LRRC31: variants seen among roughly 807,000 people sequenced by gnomAD.
LRRC31 encodes leucine-rich repeat-containing protein 31.
In LRRC31, 35 loss-of-function variants were observed where a neutral mutation model predicts 46.7. The ratio of observed to expected loss-of-function variants is 0.75; its 90% confidence interval spans 0.57 to 0.99. LRRC31 has a LOEUF of 0.99. Among genes scored for constraint, LRRC31 ranks in the 50% least tolerant of loss-of-function variants. The probability of loss-of-function intolerance (pLI) is 0.00; values close to 1 mark genes in which losing one functional copy is unlikely to be tolerated. For synonymous variants in LRRC31, 236 were observed against 235.1 expected, an observed-to-expected ratio of 1.00 and a Z score of -0.03; for missense variants, 613 against 626.1, an observed-to-expected ratio of 0.98 and a Z score of 0.22.
chr3:169,842,523 G>A (rs879266284), intron 8 of LRRC31, among the ~76,000 whole-genome samples: 2 of 151,870 alleles, frequency 1.3e-5, no homozygotes, highest in African/African-American at 2.4e-5. Flanking sequence ...GCTAATTTGT[G>A]TACTTTTAGT....
rs1324128884 is a variant in LRRC31 at position 169,867,038 on chromosome 3, G to GTTTTT, written c.175+2590_175+2594dup. On this transcript the variant is annotated intron_variant, in intron 1 of 8. Coordinates refer to ENST00000316428, the MANE Select transcript of LRRC31 (RefSeq NM_024727.4). ...GTCTCAGAAAGAAAATTGGCCATGG[G>GTTTTT]TTTTTTTTGTTTGTTTGTTTGTTTT... Among the ~76,000 whole-genome samples, 49 of 126,316 alleles carry GTTTTT rather than the reference G, an allele frequency of 3.9e-4. 7 individuals are homozygous for GTTTTT. The highest frequency in any genetic ancestry group is 1.6e-3 in the African/African-American group (35 of 22,230). 82.9% of individuals were successfully genotyped at this position (126,316 alleles called of 152,430 possible).
chr3:169,869,713 C>T lies in LRRC31; in HGVS notation c.95G>A (p.Ser32Asn), dbSNP rs2108235572. The change falls in exon 1 of 9, where the codon AGC becomes AAC. Residue 32 changes from serine to asparagine, a missense_variant. By Grantham distance (46) the Ser-to-Asn change is conservative (BLOSUM62 1). Transcript: ENST00000316428. Reference protein sequence around the residue: ...NKFLRGSNAESRKEDNDLKTS... With the variant: ...NKFLRGSNAENRKEDNDLKTS... ...TTTAAGGTCATTGTCCTCTTTTCTG[C>T]TTTCAGCATTGGAGCCCCTGAGAAA... The T allele has an allele frequency of 2.5e-6, 4 of 1,613,390 alleles. No homozygotes were observed. Among genetic ancestry groups the T allele is most frequent in the Non-Finnish European group, 3.4e-6 (4 of 1,179,794 alleles).
At chr3:169,867,123 T>C (rs898126076) in intron 1 of LRRC31, among the ~76,000 whole-genome samples, 3 of 147,176 alleles carry the variant, frequency 2.0e-5, no homozygotes, top group Non-Finnish European at 4.4e-5. Context: ...CAATCATGGC[T>C]TACCACAGCT....
rs142428551 is a variant in LRRC31 at position 169,855,754 on chromosome 3, T to G, written c.823+582A>C. 1.5e-3 allele frequency among the ~76,000 whole-genome samples: 235 copies of G among 152,278 alleles called. 1 individual carries two copies. Among genetic ancestry groups the G allele is most frequent in the African/African-American group, 5.4e-3 (223 of 41,550 alleles). On this transcript the variant is annotated intron_variant, in intron 5 of 8. Coordinates refer to ENST00000316428, the MANE Select transcript of LRRC31 (RefSeq NM_024727.4). ...CTTTCAAAAGAGAAAACCTAGTAGT[T>G]CTAGCAGCAAAGAAACTTTATTTTT...
chr3:169,855,082 G>C (rs565213573), intron 5 of LRRC31, 102 bp from the exon 6 acceptor site: 2 of 994,450 alleles, frequency 2.0e-6, no homozygotes, highest in Admixed American at 4.3e-5. Context: ...CTTGAGCCCC[G>C]GAGTTCGAGT....
At chr3:169,862,876 TTC>T (rs1412688050) in intron 1 of LRRC31, among the ~76,000 whole-genome samples, 2 of 150,406 alleles carry the variant, frequency 1.3e-5, no homozygotes, top group African/African-American at 5.0e-5. Context: ...CATTTCTTTT[TTC>T]TTTCTTTTTT....
rs745873474 is a variant in LRRC31, at chr3:169,854,955, C to T, written c.849G>A (p.Glu283=). ...ILDAAFRYLG[E]LRKLDLSCNK... The stretch of plus-strand genomic sequence containing the variant: ...TGCAGGAAAGATCTAATTTCCTCAG[C>T]TCACCCAAATACCTAAAAGCAGCAT... Residue 283 remains glutamate, a synonymous_variant, in exon 6 of 9, where the codon GAG becomes GAA. Transcript: ENST00000316428. The T allele has an allele frequency of 1.2e-6, 2 of 1,611,264 alleles. No individual in the cohort carries two copies. The highest frequency in any genetic ancestry group is 4.5e-5 in the East Asian group (2 of 44,874).
intron 8 of LRRC31, among the ~76,000 whole-genome samples, chr3:169,844,606 A>C (rs1342559215): frequency 1.3e-5 from 2 of 152,228 alleles, no homozygotes; most frequent in African/African-American, 4.8e-5. Flanking sequence ...TAACCAAGAA[A>C]AAGAAAGAAA....
chr3:169,851,587 T>G, intron 7 of LRRC31, 32 bp downstream of exon 7: 1 of 1,587,706 alleles, frequency 6.3e-7, no homozygotes, highest in African/African-American at 1.4e-5. Flanking sequence ...CATTATTGCA[T>G]GGTTCCTGCA....
At position 169,856,743 on chromosome 3, in the gene LRRC31, A is replaced by G. The variant is rs372491953; in HGVS notation, c.617T>C (p.Val206Ala). 3 of 1,605,756 alleles carry G rather than the reference A, an allele frequency of 1.9e-6. No individual in the cohort carries two copies. The highest frequency in any genetic ancestry group is 2.3e-5 in the East Asian group (1 of 44,424). ...ATCTTCTGACGTGAGGGAGCAATCC[A>G]CAAGCTCAATCATTTGTATCTTGCT... ...KGSKIQMIEL[V>A]DCSLTSEDGT... Residue 206 changes from valine to alanine, a missense_variant, in exon 4 of 9, where the codon GTG (valine) becomes GCG (alanine). Physicochemically the swap from Val to Ala is moderately conservative, Grantham distance 64. Coordinates refer to ENST00000316428, the MANE Select transcript of LRRC31 (RefSeq NM_024727.4).
intron 6 of LRRC31, among the ~76,000 whole-genome samples, chr3:169,854,172 A>C (rs1196798442): frequency 6.6e-6 from 1 of 152,212 alleles, no homozygotes; most frequent in South Asian, 2.1e-4. Flanking sequence ...GGCCTGGACC[A>C]GGGTAGTGGA....
chr3:169,862,044 T>C (rs1447167283), intron 1 of LRRC31, among the ~76,000 whole-genome samples: 1 of 152,202 alleles, frequency 6.6e-6, no homozygotes, highest in Non-Finnish European at 1.5e-5. Flanking sequence ...GTGGCTTTTC[T>C]ATCATGACCT....
In LRRC31 at chr3:169,848,216, A is replaced by G. The variant is rs751701605; in HGVS notation, c.1231T>C (p.Leu411=). Reference sequence around the variant, plus strand: ...TTTAGTGTTTCCAGAAGCAGCTTCAAGTTGCCACCAACACACTTGTTCCAA... The same window carrying G: ...TTTAGTGTTTCCAGAAGCAGCTTCAGGTTGCCACCAACACACTTGTTCCAA... ...LSWNKCVGGN[L]KLLLETLKLS... is the part of the protein sequence containing the mutation. The change falls in exon 8 of 9, where the codon TTG becomes CTG. Residue 411 remains leucine, a synonymous_variant. Coordinates refer to ENST00000316428, the MANE Select transcript of LRRC31 (RefSeq NM_024727.4). 8.1e-6 allele frequency: 13 copies of G among 1,614,112 alleles called. No homozygotes were observed. The highest frequency in any genetic ancestry group is 9.3e-6 in the Non-Finnish European group (11 of 1,180,042).
chr3:169,857,409 C>CAT (rs1443485895), intron 3 of LRRC31, among the ~76,000 whole-genome samples: 13 of 65,990 alleles, frequency 2.0e-4, no homozygotes, highest in Non-Finnish European at 3.3e-4. Flanking sequence ...CACACATATA[C>CAT]ATATACATAT....
intron 6 of LRRC31, among the ~76,000 whole-genome samples, chr3:169,852,533 A>C (rs1251240683): frequency 6.6e-6 from 1 of 152,094 alleles, no homozygotes; most frequent in Non-Finnish European, 1.5e-5. Flanking sequence ...CTGCTCAATT[A>C]ATGTTTGAAA....
chr3:169,859,554 G>T (rs1054147288), intron 3 of LRRC31, among the ~76,000 whole-genome samples: 20 of 152,272 alleles, frequency 1.3e-4, no homozygotes, highest in African/African-American at 3.4e-4. Context: ...AGAATAAAAA[G>T]TATCAAAGAC....
intron 1 of LRRC31, among the ~76,000 whole-genome samples, chr3:169,865,427 C>A (rs1285888274): frequency 4.7e-5 from 7 of 149,080 alleles, no homozygotes; most frequent in Non-Finnish European, 7.5e-5. Context: ...AGATTGAGGC[C>A]TTTTCCTAGC....
chr3:169,850,307 C>T (rs1780718214), intron 7 of LRRC31, among the ~76,000 whole-genome samples: 1 of 152,184 alleles, frequency 6.6e-6, no homozygotes, highest in African/African-American at 2.4e-5. Context: ...TTTTGCTCAG[C>T]TCGAGTATTT....
rs200530550 is a variant in LRRC31 at position 169,854,817 on chromosome 3, T to C, written c.987A>G (p.Ser329=). The change falls in exon 6 of 9, where the codon TCA becomes TCG. Residue 329 remains serine (S), a synonymous_variant. Coordinates refer to ENST00000316428, the MANE Select transcript of LRRC31 (RefSeq NM_024727.4). ...TGCTCTGCAATATATACTTACTCAG[T>C]GACATCACGTCATCTGCTGTTAGTG... The part of the protein sequence containing the change: ...QCSLTADDVM[S]LTQVIPLLSN... 6 of 1,609,632 alleles carry C rather than the reference T, an allele frequency of 3.7e-6. No homozygotes were observed. Among genetic ancestry groups the C allele is most frequent in the Non-Finnish European group, 5.1e-6 (6 of 1,176,352 alleles).
Sources: gnomAD v4.1 joint callset for allele counts (sites outside exome capture counted in the v4.1 genomes callset) on GRCh38, gnomAD v4.1.1 for gene constraint, MANE v1.5 for transcripts, NCBI Gene and HGNC (gene_info 2026-07-23, HGNC 2026-07-21) for gene names.